Variants in RBMS3 observed in about 807,000 individuals in gnomAD.
RBMS3 encodes the protein RNA-binding motif, single-stranded-interacting protein 3.
Under a neutral mutation model 66.8 loss-of-function variants are expected in RBMS3, and 27 were observed. The observed-to-expected ratio is 0.40, with a 90% CI of 0.30 to 0.56. RBMS3 has a LOEUF of 0.56. Ranked by LOEUF, RBMS3 falls within the 20% of genes least tolerant of loss-of-function variation. RBMS3 has a pLI of 0.40. For missense variants in RBMS3, 513 were observed against 549.5 expected, an observed-to-expected ratio of 0.93 and a Z score of 0.66; for synonymous variants, 188 against 183.0, an observed-to-expected ratio of 1.03 and a Z score of -0.22.
At chr3:29,461,425 C>T (rs1217405039) in intron 2 of RBMS3, among the ~76,000 whole-genome samples, 1 of 152,220 alleles carries the variant, frequency 6.6e-6, no homozygotes, top group African/African-American at 2.4e-5. Flanking sequence ...CAGGACTCTT[C>T]TGTTGTTCAG....
At chr3:29,874,614 T>C (rs957927188) in intron 7 of RBMS3, among the ~76,000 whole-genome samples, 1 of 152,206 alleles carries the variant, frequency 6.6e-6, no homozygotes, top group Non-Finnish European at 1.5e-5. Flanking sequence ...TTATGATGCA[T>C]GTTAGCACTT....
intron 4 of RBMS3, among the ~76,000 whole-genome samples, chr3:29,611,011 T>C (rs1006614112): frequency 2.6e-5 from 4 of 151,936 alleles, no homozygotes; most frequent in African/African-American, 9.7e-5. Context: ...TCCTGAGTAA[T>C]GAGATACTTC....
intron 1 of RBMS3, among the ~76,000 whole-genome samples, chr3:29,292,920 G>A (rs552432330): frequency 2.4e-4 from 36 of 151,952 alleles, no homozygotes; most frequent in South Asian, 1.7e-3. Flanking sequence ...GGGAAAATAC[G>A]TCAATGTAAA....
chr3:29,547,696 C>T (rs1174487028), intron 3 of RBMS3, among the ~76,000 whole-genome samples: 8 of 151,540 alleles, frequency 5.3e-5, no homozygotes, highest in South Asian at 2.1e-4. Flanking sequence ...TTTTAAGGAA[C>T]GACTTTTCAT....
At chr3:29,371,272 G>A (rs2038184848) in intron 1 of RBMS3, among the ~76,000 whole-genome samples, 1 of 152,200 alleles carries the variant, frequency 6.6e-6, no homozygotes. Context: ...GCAGGGAGAA[G>A]GCAGGTACAA....
rs1426152529 is a variant in RBMS3, at chr3:29,971,633, TTCACTCAC to T, written c.1099-16506_1099-16499del. 8.5e-5 allele frequency among the ~76,000 whole-genome samples: 13 copies of T among 152,276 alleles called. No homozygotes were observed. In the South Asian group the frequency reaches 2.1e-3, roughly 24 times the overall value. The stretch of plus-strand genomic sequence containing the variant: ...TTTACCCAGAGTGCTTAATTATTCA[TTCACTCAC>T]TCATTCATTCATTCACTCAACAAAT... On this transcript the variant is annotated intron_variant, in intron 12 of 14. Coordinates refer to ENST00000383767, the MANE Select transcript of RBMS3 (RefSeq NM_001003793.3).
intron 1 of RBMS3, among the ~76,000 whole-genome samples, chr3:29,354,771 C>T (rs973475843): frequency 2.6e-5 from 4 of 152,210 alleles, no homozygotes; most frequent in African/African-American, 9.6e-5. Context: ...TGTATTCTTG[C>T]CCAGATGATA....
chr3:29,437,311 A>G (rs2041437510), intron 2 of RBMS3, among the ~76,000 whole-genome samples: 1 of 152,244 alleles, frequency 6.6e-6, no homozygotes, highest in South Asian at 2.1e-4. Flanking sequence ...TTGCTGTGTC[A>G]ATATCCATTT....
At position 29,603,146 on chromosome 3, in the gene RBMS3, G is replaced by A. The variant is rs550343587; in HGVS notation, c.399+15941G>A. On this transcript the variant is annotated intron_variant, in intron 4 of 14. Transcript: ENST00000383767. Reference sequence around the variant, plus strand: ...CTGTATATCTTCTGAACCAACCACAGTGCCTATCCAGCAAGTAGCAAGTAA... The same window carrying A: ...CTGTATATCTTCTGAACCAACCACAATGCCTATCCAGCAAGTAGCAAGTAA... Among the ~76,000 whole-genome samples, 7 of 152,094 alleles carry A rather than the reference G, an allele frequency of 4.6e-5. No individual in the cohort carries two copies. The South Asian group carries it at 1.5e-3, about 32-fold the overall frequency.
At chr3:29,329,852 T>G (rs753836660) in intron 1 of RBMS3, among the ~76,000 whole-genome samples, 2 of 147,986 alleles carry the variant, frequency 1.4e-5, no homozygotes, top group Non-Finnish European at 3.0e-5. Context: ...AAAATTTTAA[T>G]ATATATTAAC....
chr3:29,925,329 G>A (rs2060908488), intron 10 of RBMS3: 1 of 152,076 alleles, frequency 6.6e-6, no homozygotes, highest in Admixed American at 6.5e-5. Flanking sequence ...ATGCTTGGCT[G>A]TCATAGCTAT....
At chr3:29,658,441 G>A (rs781472301) in intron 4 of RBMS3, among the ~76,000 whole-genome samples, 1 of 152,080 alleles carries the variant, frequency 6.6e-6, no homozygotes, top group African/African-American at 2.4e-5. Flanking sequence ...TTGCTGGTTC[G>A]TAGACCACAC....
chr3:29,519,080 A>G (rs759211431), intron 3 of RBMS3, among the ~76,000 whole-genome samples: 2 of 152,336 alleles, frequency 1.3e-5, no homozygotes, highest in Middle Eastern at 3.4e-3. Context: ...TGGCAATGTG[A>G]CAGTGAAATT....
chr3:29,762,691 C>T (rs2055745049), intron 5 of RBMS3, among the ~76,000 whole-genome samples: 1 of 152,022 alleles, frequency 6.6e-6, no homozygotes, highest in African/African-American at 2.4e-5. Context: ...ATAGAGCCCT[C>T]CACATAGACA....
chr3:29,776,142 T>C (rs1297359689), intron 6 of RBMS3, among the ~76,000 whole-genome samples: 1 of 152,020 alleles, frequency 6.6e-6, no homozygotes, highest in Non-Finnish European at 1.5e-5. Context: ...TACACCTATA[T>C]GATGTTAAAG....
chr3:29,619,087 C>T (rs2048772984), intron 4 of RBMS3, among the ~76,000 whole-genome samples: 1 of 151,772 alleles, frequency 6.6e-6, no homozygotes, highest in East Asian at 1.9e-4. Context: ...AGTCTGAAAA[C>T]GGTTTCACAA....
At chr3:29,982,419 G>A (rs1433437786) in intron 12 of RBMS3, among the ~76,000 whole-genome samples, 1 of 152,052 alleles carries the variant, frequency 6.6e-6, no homozygotes, top group Non-Finnish European at 1.5e-5. Flanking sequence ...ATCTCCTTCA[G>A]TTCTGCTCTC....
intron 1 of RBMS3, among the ~76,000 whole-genome samples, chr3:29,304,237 AG>A (rs1258898633): frequency 6.6e-6 from 1 of 151,998 alleles, no homozygotes; most frequent in Non-Finnish European, 1.5e-5. Context: ...CTTTTTCTCT[AG>A]GAGATTAGTT....
At chr3:29,698,723 ATGTT>A in intron 4 of RBMS3, 3 of 571,710 alleles carry the variant, frequency 5.2e-6, no homozygotes, top group Non-Finnish European at 6.6e-6. Flanking sequence ...GCTATTCTTA[ATGTT>A]TATTAAGGAG....
Sources: allele counts gnomAD v4.1 joint callset (sites outside exome capture counted in the v4.1 genomes callset), GRCh38; gene constraint gnomAD v4.1.1; transcripts MANE v1.5; gene names NCBI Gene and HGNC (gene_info 2026-07-23, HGNC 2026-07-21).